CDH7: variants seen among roughly 807,000 people sequenced by gnomAD.
CDH7 encodes the protein cadherin-7.
A neutral mutation model predicts 71.8 loss-of-function variants in CDH7; 25 were observed. The ratio of observed to expected loss-of-function variants is 0.35; its 90% CI spans 0.25 to 0.49. The LOEUF is 0.49. Ranked by LOEUF, CDH7 falls within the 20% of genes least tolerant of loss-of-function variation. CDH7 has a pLI of 0.99. For synonymous variants in CDH7, 381 were observed against 363.8 expected (o/e 1.05, Z -0.54); for missense variants, 862 against 974.6 (o/e 0.88, Z 1.54).
intron 8 of CDH7, 82 bp downstream of exon 8, chr18:65,858,034 T>G: frequency 7.5e-7 from 1 of 1,340,764 alleles, no homozygotes; most frequent in Non-Finnish European, 1.0e-6. Flanking sequence ...AAATTCAAGT[T>G]AATTAAAGTA....
intron 4 of CDH7, among the ~76,000 whole-genome samples, chr18:65,817,902 A>G (rs1911777641): frequency 6.6e-6 from 1 of 152,206 alleles, no homozygotes; most frequent in South Asian, 2.1e-4. Flanking sequence ...TCAGTTTCTA[A>G]GTTCCTTTGA....
chr18:65,779,451 C>G (rs1412816377), intron 2 of CDH7, among the ~76,000 whole-genome samples: 1 of 82,698 alleles, frequency 1.2e-5, no homozygotes, highest in Admixed American at 1.3e-4. Context: ...TATCCCTCCC[C>G]CCTCCCCCGA....
intron 7 of CDH7, among the ~76,000 whole-genome samples, chr18:65,850,237 T>G (rs1913100860): frequency 6.7e-6 from 1 of 149,014 alleles, no homozygotes; most frequent in African/African-American, 2.4e-5. Context: ...ATACAAAAAT[T>G]CAATGTTCTT....
chr18:65,798,358 T>A (rs1910992604), intron 2 of CDH7, among the ~76,000 whole-genome samples: 1 of 152,200 alleles, frequency 6.6e-6, no homozygotes, highest in Admixed American at 6.5e-5. Flanking sequence ...CAAGTACACA[T>A]CTCTCAACAA....
chr18:65,816,469 AT>A (rs1481063645), intron 4 of CDH7, among the ~76,000 whole-genome samples: 1 of 152,162 alleles, frequency 6.6e-6, no homozygotes, highest in Admixed American at 6.6e-5. Flanking sequence ...AAATAACATT[AT>A]TTCTCCTTTA....
chr18:65,788,836 G>C (rs1910604318), intron 2 of CDH7, among the ~76,000 whole-genome samples: 1 of 152,158 alleles, frequency 6.6e-6, no homozygotes, highest in East Asian at 1.9e-4. Context: ...GTACATTTCT[G>C]CCCTACCCAA....
chr18:65,776,696 T>C (rs949936611), intron 2 of CDH7, among the ~76,000 whole-genome samples: 1 of 152,170 alleles, frequency 6.6e-6, no homozygotes, highest in African/African-American at 2.4e-5. Context: ...TCATTGAAGT[T>C]TGGCTCCAAC....
At chr18:65,778,020 C>A (rs1412357798) in intron 2 of CDH7, among the ~76,000 whole-genome samples, 1 of 152,106 alleles carries the variant, frequency 6.6e-6, no homozygotes, top group Non-Finnish European at 1.5e-5. Context: ...CGCCTATAAT[C>A]CCAGCACTTT....
intron 11 of CDH7, among the ~76,000 whole-genome samples, chr18:65,876,939 CT>C (rs1262198414): frequency 6.6e-6 from 1 of 152,116 alleles, no homozygotes; most frequent in Non-Finnish European, 1.5e-5. Flanking sequence ...ATCTTTTCTT[CT>C]ATTTCCACTC....
intron 2 of CDH7, among the ~76,000 whole-genome samples, chr18:65,794,401 A>G (rs550826664): frequency 4.6e-5 from 7 of 152,254 alleles, no homozygotes; most frequent in African/African-American, 1.4e-4. Flanking sequence ...TTAAACATCT[A>G]TAAGTCTTTT....
rs554706887 is a variant in CDH7, at chr18:65,886,890, A to G, written c.*5996A>G. ...AAACTCTAGGAAACTAAAAAATAATATATAATGGATATTACTTTTTGTCAG... is the reference window on the plus strand; with the variant it reads ...AAACTCTAGGAAACTAAAAAATAATGTATAATGGATATTACTTTTTGTCAG... On this transcript the variant is annotated 3_prime_UTR_variant, in exon 12 of 12. Coordinates refer to ENST00000397968, the MANE Select transcript of CDH7 (RefSeq NM_004361.5). 63 of 152,258 alleles carry G rather than the reference A, an allele frequency of 4.1e-4. No homozygotes were observed. The highest frequency in any genetic ancestry group is 1.5e-3 in the African/African-American group (62 of 41,560). The allele number at this position is 152,258 out of a possible 1,614,324, so 9.4% of individuals were successfully genotyped here. A position where few individuals can be genotyped will look rare whatever the true frequency, so the allele number is the denominator to read the frequency against.
chr18:65,854,376 G>A (rs539359628), intron 7 of CDH7, among the ~76,000 whole-genome samples: 1 of 152,198 alleles, frequency 6.6e-6, no homozygotes, highest in South Asian at 2.1e-4. Flanking sequence ...TTGAATGATA[G>A]AAACTTTTGT....
intron 2 of CDH7, among the ~76,000 whole-genome samples, chr18:65,772,506 G>C (rs984649315): frequency 6.6e-6 from 1 of 152,146 alleles, no homozygotes; most frequent in African/African-American, 2.4e-5. Flanking sequence ...GGGAGTTCTA[G>C]TCATTGCGAT....
rs1913026108 is a variant in CDH7 at position 65,848,799 on chromosome 18, GTTTATA to G, written c.1235+4740_1235+4745del. ...TCTAATAATCTAAATATAGAAATAT[GTTTATA>G]TTTATGTTAAAGGATACTTGGATAA... On this transcript the variant is annotated intron_variant, in intron 7 of 11. Transcript: ENST00000397968. Among the ~76,000 whole-genome samples, 3 of 150,680 alleles carry G rather than the reference GTTTATA, an allele frequency of 2.0e-5. No individual in the cohort carries two copies. The Admixed American group carries it at 2.0e-4, about 10-fold the overall frequency.
intron 3 of CDH7, among the ~76,000 whole-genome samples, chr18:65,811,536 C>A (rs1911534826): frequency 6.6e-6 from 1 of 152,190 alleles, no homozygotes; most frequent in South Asian, 2.1e-4. Context: ...TCACTACCGT[C>A]CACACCTTCC....
intron 2 of CDH7, among the ~76,000 whole-genome samples, chr18:65,788,422 A>T (rs1237054274): frequency 6.6e-6 from 1 of 152,226 alleles, no homozygotes; most frequent in African/African-American, 2.4e-5. Context: ...TTCTAAAAGA[A>T]AGAAAGAGAG....
intron 7 of CDH7, among the ~76,000 whole-genome samples, chr18:65,847,409 C>G (rs1912971296): frequency 6.6e-6 from 1 of 152,048 alleles, no homozygotes; most frequent in Admixed American, 6.6e-5. Flanking sequence ...TTGACATTCT[C>G]TGTTGTATAA....
At position 65,884,911 on chromosome 18, in the gene CDH7, A is replaced by G. The variant is rs1460482503; in HGVS notation, c.*4017A>G. 1 of 152,222 alleles carries G rather than the reference A, an allele frequency of 6.6e-6. No individual in the cohort carries two copies. Among genetic ancestry groups the G allele is most frequent in the African/African-American group, 2.4e-5 (1 of 41,470 alleles). 9.4% of individuals were successfully genotyped at this position (152,222 alleles called of 1,614,324 possible). On this transcript the variant is annotated 3_prime_UTR_variant, in exon 12 of 12. Transcript: ENST00000397968. The stretch of plus-strand genomic sequence containing the variant: ...TGACCTAATCCAATTGAAGTTGATG[A>G]AAGCTTCAACTTATTTTTTAACTCT...
At position 65,883,532 on chromosome 18, in the gene CDH7, A is replaced by G. The variant is rs1403709113; in HGVS notation, c.*2638A>G. ...ATAAATATATATTATCAAGTTGCTTAAATTCAGTATTATACTGAAACCAAC... is the reference window on the plus strand; with the variant it reads ...ATAAATATATATTATCAAGTTGCTTGAATTCAGTATTATACTGAAACCAAC... On this transcript the variant is annotated 3_prime_UTR_variant, in exon 12 of 12. Coordinates refer to ENST00000397968, the MANE Select transcript of CDH7 (RefSeq NM_004361.5). 2.6e-5 allele frequency: 4 copies of G among 152,076 alleles called. No homozygotes were observed. Among genetic ancestry groups the G allele is most frequent in the Middle Eastern group, 3.2e-3 (1 of 316 alleles). The allele number at this position is 152,076 out of a possible 1,614,324, so 9.4% of individuals were successfully genotyped here.
Sources: gnomAD v4.1 joint callset for allele counts (sites outside exome capture counted in the v4.1 genomes callset) on GRCh38, gnomAD v4.1.1 for gene constraint, MANE v1.5 for transcripts, NCBI Gene and HGNC (gene_info 2026-07-23, HGNC 2026-07-21) for gene names.